The following RBMS3 variants were observed in gnomAD, a reference collection of about 807,000 sequenced individuals.
RBMS3 encodes RNA binding motif single stranded interacting protein 3.
Under a neutral mutation model 66.8 loss-of-function variants are expected in RBMS3, and 27 were observed. The observed-to-expected ratio is 0.40, with a 90% CI of 0.30 to 0.56. The LOEUF (loss-of-function observed/expected upper bound fraction) is 0.56. Ranked by LOEUF, RBMS3 falls within the 20% of genes least tolerant of loss-of-function variation. The pLI is 0.40. For missense variants in RBMS3, 513 were observed against 549.5 expected, an observed-to-expected ratio of 0.93 and a Z score of 0.66; for synonymous variants, 188 against 183.0, an observed-to-expected ratio of 1.03 and a Z score of -0.22.
intron 6 of RBMS3, among the ~76,000 whole-genome samples, chr3:29,866,783 T>C (rs1363762229): frequency 6.6e-6 from 1 of 152,166 alleles, no homozygotes; most frequent in Admixed American, 6.5e-5. Context: ...GCAGTGACTA[T>C]CTACAGATAT....
At chr3:29,566,063 CTCAT>C (rs2046731330) in intron 3 of RBMS3, among the ~76,000 whole-genome samples, 1 of 152,146 alleles carries the variant, frequency 6.6e-6, no homozygotes, top group African/African-American at 2.4e-5. Flanking sequence ...TAGGAATTTG[CTCAT>C]TCATTCACTT....
chr3:29,387,270 G>A (rs1345176209), intron 1 of RBMS3, among the ~76,000 whole-genome samples: 1 of 151,338 alleles, frequency 6.6e-6, no homozygotes, highest in Non-Finnish European at 1.5e-5. Context: ...TGTTAAATAG[G>A]AATTCCAAAG....
chr3:29,560,429 A>G (rs1003920987), intron 3 of RBMS3, among the ~76,000 whole-genome samples: 2 of 152,240 alleles, frequency 1.3e-5, no homozygotes, highest in Non-Finnish European at 2.9e-5. Flanking sequence ...CAAAAGTAGG[A>G]TGGAATGCAA....
At chr3:29,732,074 C>T (rs1054925045) in intron 4 of RBMS3, among the ~76,000 whole-genome samples, 1 of 152,052 alleles carries the variant, frequency 6.6e-6, no homozygotes. Context: ...CTCCACATCA[C>T]TCTATCTTAC....
chr3:29,824,901 AT>A (rs139231491), intron 6 of RBMS3, among the ~76,000 whole-genome samples: 86 of 152,224 alleles, frequency 5.6e-4, no homozygotes, highest in African/African-American at 1.8e-3. Context: ...TATACAGAGC[AT>A]TTTTTTATCA....
At chr3:29,581,637 G>T (rs533534683) in intron 3 of RBMS3, among the ~76,000 whole-genome samples, 1 of 152,168 alleles carries the variant, frequency 6.6e-6, no homozygotes, top group African/African-American at 2.4e-5. Context: ...CCAAATGTTT[G>T]CTTTTTCTGT....
In RBMS3 at chr3:29,698,361, CT is replaced by C. The variant is rs1326430011; in HGVS notation, c.400-41358del. On this transcript the variant is annotated intron_variant, in intron 4 of 14. Transcript: ENST00000383767. Reference sequence around the variant, plus strand: ...ATAATAAAACCGGAGCAGTTTGTGTCTGAATGTGCTGTAAACCAGATTTTTT... The same window carrying C: ...ATAATAAAACCGGAGCAGTTTGTGTCGAATGTGCTGTAAACCAGATTTTTT... 1.4e-5 allele frequency: 14 copies of C among 985,206 alleles called. No individual in the cohort carries two copies. In the African/African-American group the frequency reaches 2.4e-4, roughly 17 times the overall value. The allele number at this position is 985,206 out of a possible 1,614,324, so 61.0% of individuals were successfully genotyped here.
chr3:29,715,814 G>T (rs1268832734), intron 4 of RBMS3, among the ~76,000 whole-genome samples: 1 of 152,120 alleles, frequency 6.6e-6, no homozygotes, highest in African/African-American at 2.4e-5. Context: ...TCAATGAGGG[G>T]ATTGTCCAAT....
At chr3:29,541,095 T>C (rs1576169258) in intron 3 of RBMS3, among the ~76,000 whole-genome samples, 1 of 152,322 alleles carries the variant, frequency 6.6e-6, no homozygotes, top group South Asian at 2.1e-4. Context: ...TTACCCTTGG[T>C]GTCACCTGTA....
At chr3:29,347,314 T>G (rs1264213167) in intron 1 of RBMS3, among the ~76,000 whole-genome samples, 1 of 152,184 alleles carries the variant, frequency 6.6e-6, no homozygotes, top group East Asian at 1.9e-4. Flanking sequence ...CATAAATATG[T>G]GTAGGTAAGT....
intron 12 of RBMS3, among the ~76,000 whole-genome samples, chr3:29,975,391 C>A (rs1697515944): frequency 6.6e-6 from 1 of 151,594 alleles, no homozygotes; most frequent in African/African-American, 2.4e-5. Flanking sequence ...TATAGGAGTT[C>A]CTATTGTCCA....
intron 3 of RBMS3, among the ~76,000 whole-genome samples, chr3:29,506,880 A>G (rs902240803): frequency 7.2e-5 from 11 of 151,776 alleles, no homozygotes; most frequent in African/African-American, 1.9e-4. Context: ...AATTGTTCAT[A>G]GAAGTCTCCT....
chr3:29,419,569 T>C (rs1166273163), intron 1 of RBMS3, among the ~76,000 whole-genome samples: 2 of 152,178 alleles, frequency 1.3e-5, no homozygotes, highest in African/African-American at 4.8e-5. Flanking sequence ...TGTTAGGAAG[T>C]TGACCTATAG....
intron 2 of RBMS3, among the ~76,000 whole-genome samples, chr3:29,442,761 T>G (rs2041674635): frequency 6.6e-6 from 1 of 152,152 alleles, no homozygotes; most frequent in African/African-American, 2.4e-5. Flanking sequence ...TTTTAGTCCT[T>G]ATTTTAATTA....
chr3:29,616,760 C>G (rs188541092), intron 4 of RBMS3: 1 of 152,194 alleles, frequency 6.6e-6, no homozygotes, highest in Non-Finnish European at 1.5e-5. Flanking sequence ...CTTTACATTC[C>G]TGGGAAAATA....
chr3:29,656,995 C>T (rs762860205), intron 4 of RBMS3, among the ~76,000 whole-genome samples: 17 of 152,230 alleles, frequency 1.1e-4, no homozygotes, highest in Middle Eastern at 3.4e-3. Context: ...AGCTAGCAAA[C>T]GCGATAAGAA....
chr3:29,391,367 T>G (rs2039285936), intron 1 of RBMS3: 1 of 146,724 alleles, frequency 6.8e-6, no homozygotes, highest in Admixed American at 6.7e-5. Flanking sequence ...AAAAAACAGA[T>G]GGAGCAAGCC....
chr3:29,915,346 A>G (rs552938687), intron 10 of RBMS3, among the ~76,000 whole-genome samples: 6 of 151,964 alleles, frequency 3.9e-5, no homozygotes, highest in Non-Finnish European at 7.4e-5. Flanking sequence ...ACTAATTCCA[A>G]TGTGTTTCCA....
At chr3:29,368,846 C>T (rs1469834283) in intron 1 of RBMS3, among the ~76,000 whole-genome samples, 3 of 152,054 alleles carry the variant, frequency 2.0e-5, no homozygotes, top group Non-Finnish European at 2.9e-5. Flanking sequence ...GAATATAAAT[C>T]GGTCTACATA....
Sources: allele counts gnomAD v4.1 joint callset (sites outside exome capture counted in the v4.1 genomes callset), GRCh38; gene constraint gnomAD v4.1.1; transcripts MANE v1.5; gene names NCBI Gene and HGNC (gene_info 2026-07-23, HGNC 2026-07-21).